PPP2R2D: variants seen among roughly 807,000 people sequenced by gnomAD.
PPP2R2D encodes the protein serine/threonine-protein phosphatase 2A 55 kDa regulatory subunit B delta isoform.
Under a neutral mutation model 31.1 loss-of-function variants are expected in PPP2R2D, and 9 were observed. The observed-to-expected ratio is 0.29, with a 90% CI of 0.17 to 0.51. The LOEUF (loss-of-function observed/expected upper bound fraction) is 0.51, where lower values mean the gene tolerates loss of function less well. Ranked by LOEUF, PPP2R2D falls within the 20% of genes least tolerant of loss-of-function variation. The pLI, the probability that PPP2R2D is intolerant of heterozygous loss-of-function variation, is 0.98. For missense variants in PPP2R2D, 391 were observed against 465.6 expected (o/e 0.84, Z 1.48); for synonymous variants, 179 against 172.6 (o/e 1.04, Z -0.29).
intron 8 of PPP2R2D, among the ~76,000 whole-genome samples, chr10:131,952,377 G>A (rs2036664814): frequency 2.7e-5 from 2 of 73,674 alleles, no homozygotes; most frequent in African/African-American, 5.8e-5. Flanking sequence ...AGTGACTTGC[G>A]GGTGTGCGGG....
chr10:131,955,815 C>G lies in PPP2R2D; in HGVS notation c.1214C>G (p.Thr405Arg). The change falls in exon 9 of 9, where the codon ACG becomes AGG. Residue 405 changes from threonine to arginine, a missense_variant. Transcript: ENST00000455566. ...RASLKPRKVCTGGKRRKDEIS... is the reference protein window; with the variant it reads ...RASLKPRKVCRGGKRRKDEIS... ...AGCCTCAAACCCCGGAAGGTGTGTA[C>G]GGGGGGTAAGCGGAGGAAAGACGAG... 1 of 1,608,598 alleles carries G rather than the reference C, an allele frequency of 6.2e-7. No homozygotes were observed. Among genetic ancestry groups the G allele is most frequent in the Non-Finnish European group, 8.5e-7 (1 of 1,177,148 alleles).
intron 3 of PPP2R2D, among the ~76,000 whole-genome samples, chr10:131,938,517 C>G (rs1254367430): frequency 6.6e-5 from 10 of 152,102 alleles, no homozygotes; most frequent in Admixed American, 1.3e-4. Context: ...TCCTGTTGTC[C>G]CCTCCCCATT....
chr10:131,902,443 A>T (rs2035515814), intron 2 of PPP2R2D, among the ~76,000 whole-genome samples: 2 of 152,082 alleles, frequency 1.3e-5, no homozygotes, highest in African/African-American at 4.8e-5. Flanking sequence ...ATGACCCCTG[A>T]GGACATCTGG....
At chr10:131,912,586 T>A (rs1204614047) in intron 2 of PPP2R2D, 2 of 152,334 alleles carry the variant, frequency 1.3e-5, no homozygotes, top group Admixed American at 1.3e-4. Context: ...CCCCGGCCAC[T>A]GCCCCTTGAA....
At chr10:131,970,848 C>A in the PPP2R2D span, 11 of 1,614,106 alleles carry the variant, frequency 6.8e-6, no homozygotes, top group African/African-American at 1.5e-4. This position sits in a 1 kb window ranked among gnomAD's most constrained non-coding sequence, Gnocchi z 4.1. Flanking sequence ...CCCCGTGACA[C>A]TGAGAACACA....
rs1554898177 is a variant in PPP2R2D, at chr10:131,947,671, T to A, written c.962T>A (p.Met321Lys). ...TCGGTGAAGGTGTGGGACCTCAACA[T>A]GGAGAGCAGGCCGGTGGAGACCCAC... ...YLSVKVWDLN[M>K]ESRPVETHQV... is the part of the protein sequence containing the mutation. The change falls in exon 8 of 9, where the codon ATG becomes AAG. Residue 321 changes from methionine to lysine, a missense_variant. Met to Lys is a moderately conservative substitution (Grantham distance 95, BLOSUM62 -1). Transcript: ENST00000455566. This position sits in a 1 kb window ranked among gnomAD's most constrained non-coding sequence, Gnocchi z 4.3. The A allele has an allele frequency of 6.2e-7, 1 of 1,614,236 alleles. No homozygotes were observed. Among genetic ancestry groups the A allele is most frequent in the Non-Finnish European group, 8.5e-7 (1 of 1,180,040 alleles).
chr10:131,943,531 G>A (rs1429979376), intron 5 of PPP2R2D, among the ~76,000 whole-genome samples: 4 of 152,132 alleles, frequency 2.6e-5, no homozygotes, highest in South Asian at 4.1e-4. Context: ...GGTTTGCACC[G>A]AGAAGCATAG....
the PPP2R2D span, among the ~76,000 whole-genome samples, chr10:131,964,882 G>A: frequency 6.6e-6 from 1 of 151,890 alleles, no homozygotes; most frequent in Non-Finnish European, 1.5e-5. Context: ...TTCTAAGTCT[G>A]TTACACAAAA....
chr10:131,949,555 C>A (rs1554898545), intron 8 of PPP2R2D, among the ~76,000 whole-genome samples: 1 of 152,146 alleles, frequency 6.6e-6, no homozygotes, highest in African/African-American at 2.4e-5. Context: ...AGAACCACAG[C>A]AGAACTGAAC....
Position 131,956,663 on chromosome 10 carries a change from A to T in PPP2R2D, c.*700A>T. The stretch of plus-strand genomic sequence containing the variant: ...TGTCCTTCTTTGGCAGCGTGGGGGT[A>T]TGTGTGCAGCATTTCTGTCCCCAAG... On this transcript the variant is annotated 3_prime_UTR_variant, in exon 9 of 9. Coordinates refer to ENST00000455566, the MANE Select transcript of PPP2R2D (RefSeq NM_018461.5). 1.5e-6 allele frequency: 1 copy of T among 672,478 alleles called. No individual in the cohort carries two copies. The highest frequency in any genetic ancestry group is 1.8e-6 in the Non-Finnish European group (1 of 544,128). The allele number at this position is 672,478 out of a possible 1,614,324, so 41.7% of individuals were successfully genotyped here. A position where few individuals can be genotyped will look rare whatever the true frequency, so the allele number is the denominator to read the frequency against.
At chr10:131,941,737 G>C (rs1377631958) in intron 5 of PPP2R2D, among the ~76,000 whole-genome samples, 4 of 152,188 alleles carry the variant, frequency 2.6e-5, no homozygotes, top group Non-Finnish European at 5.9e-5. Context: ...TGGGAGTGAT[G>C]TTGGGTCTGT....
rs781826005 is a variant in PPP2R2D, at chr10:131,955,869, A to G, written c.1268A>G (p.Lys423Arg). ...AGTGTGGACAGTCTGGACTTCAACA[A>G]GAAGATCCTGCACACAGCCTGGCAC... ...EISVDSLDFN[K>R]KILHTAWHPV... The change falls in exon 9 of 9, where the codon AAG (lysine) becomes AGG (arginine). Residue 423 changes from lysine to arginine, a missense_variant. Transcript: ENST00000455566. 5 of 1,610,198 alleles carry G rather than the reference A, an allele frequency of 3.1e-6. No homozygotes were observed. Among genetic ancestry groups the G allele is most frequent in the Non-Finnish European group, 4.2e-6 (5 of 1,178,050 alleles).
At chr10:131,927,973 G>A (rs183878187) in intron 2 of PPP2R2D, among the ~76,000 whole-genome samples, 8 of 152,268 alleles carry the variant, frequency 5.3e-5, no homozygotes, top group African/African-American at 1.7e-4. Context: ...TCTGGGTCAC[G>A]GGATATGCAT....
rs1436482978 is a variant in PPP2R2D, at chr10:131,945,122, AATCCCCTTAC to A, written c.656-172_656-163del. Among the ~76,000 whole-genome samples, 1 of 152,114 alleles carries A rather than the reference AATCCCCTTAC, an allele frequency of 6.6e-6. No homozygotes were observed. Among genetic ancestry groups the A allele is most frequent in the East Asian group, 1.9e-4 (1 of 5,186 alleles). On this transcript the variant is annotated intron_variant, in intron 6 of 8. Transcript: ENST00000455566. The surrounding 1 kb of genome is among the most constrained non-coding windows in gnomAD (Gnocchi z 4.8). ...GCTGTAGTCTGAGTGTGCTCATCCC[AATCCCCTTAC>A]CAGGCGCTCCTTTGGAATTCGGGAT...
chr10:131,910,128 G>A (rs1234436418), intron 2 of PPP2R2D, among the ~76,000 whole-genome samples: 10 of 152,232 alleles, frequency 6.6e-5, no homozygotes, highest in Non-Finnish European at 1.5e-4. Flanking sequence ...CTCGCCAGGT[G>A]GCAGCGTGTT....
rs2035490292 is a variant in PPP2R2D, at chr10:131,901,338, C to T, written c.100+8C>T. On this transcript the variant is annotated splice_region_variant and intron_variant, in intron 2 of 8. Coordinates refer to ENST00000455566, the MANE Select transcript of PPP2R2D (RefSeq NM_018461.5). ...ACGAGGACGTGGCCGAAGGTGAGCCCCGCGCCGCGCCCCGCCCCGGGACCC... is the reference window on the plus strand; with the variant it reads ...ACGAGGACGTGGCCGAAGGTGAGCCTCGCGCCGCGCCCCGCCCCGGGACCC... 1.7e-5 allele frequency: 6 copies of T among 357,104 alleles called. No homozygotes were observed. Among genetic ancestry groups the T allele is most frequent in the East Asian group, 1.6e-4 (4 of 24,400 alleles). The allele number at this position is 357,104 out of a possible 1,614,324, so 22.1% of individuals were successfully genotyped here. A position where few individuals can be genotyped will look rare whatever the true frequency, so the allele number is the denominator to read the frequency against.
chr10:131,953,426 G>C (rs1318485449), intron 8 of PPP2R2D, among the ~76,000 whole-genome samples: 1 of 69,012 alleles, frequency 1.4e-5, no homozygotes, highest in African/African-American at 5.9e-5. Flanking sequence ...CTTGCGGGGG[G>C]TCCCTGTCTT....
chr10:131,902,735 T>G (rs1459634867), intron 2 of PPP2R2D, among the ~76,000 whole-genome samples: 1 of 152,214 alleles, frequency 6.6e-6, no homozygotes, highest in African/African-American at 2.4e-5. Context: ...ATGCTTGCCT[T>G]AATTTCTGTT....
At chr10:131,909,917 CAAG>C (rs1194647633) in intron 2 of PPP2R2D, among the ~76,000 whole-genome samples, 2 of 152,182 alleles carry the variant, frequency 1.3e-5, no homozygotes, top group African/African-American at 4.8e-5. Flanking sequence ...AAAGATTAAG[CAAG>C]AAGAACAGTG....
Sources: gnomAD v4.1 joint callset for allele counts (sites outside exome capture counted in the v4.1 genomes callset) on GRCh38, gnomAD v4.1.1 for gene constraint, Gnocchi (gnomAD v3.1) non-coding constraint, MANE v1.5 for transcripts, NCBI Gene and HGNC (gene_info 2026-07-23, HGNC 2026-07-21) for gene names.